The following TNR variants were observed in gnomAD, a reference collection of about 807,000 sequenced individuals.
TNR encodes tenascin R, also known as tenascin-R.
Under a neutral mutation model 150.4 loss-of-function variants are expected in TNR, and 45 were observed. The ratio of observed to expected loss-of-function variants is 0.30; its 90% CI spans 0.24 to 0.38. The LOEUF (loss-of-function observed/expected upper bound fraction) is 0.38. Ranked by LOEUF, TNR falls within the 10% of genes least tolerant of loss-of-function variation. The pLI, the probability that TNR is intolerant of heterozygous loss-of-function variation, is 1.00. For synonymous variants in TNR, 687 were observed against 678.4 expected, an observed-to-expected ratio of 1.01 and a Z score of -0.20; for missense variants, 1,544 against 1,759.1, an observed-to-expected ratio of 0.88 and a Z score of 2.19.
chr1:175,444,684 C>G (rs1367593347), intron 2 of TNR, among the ~76,000 whole-genome samples: 1 of 152,170 alleles, frequency 6.6e-6, no homozygotes, highest in Non-Finnish European at 1.5e-5. Context: ...ATGGGAGAGA[C>G]AGAGGCCTAG....
chr1:175,727,391 T>C (rs1379859693), intron 1 of TNR, among the ~76,000 whole-genome samples: 2 of 152,124 alleles, frequency 1.3e-5, no homozygotes, highest in African/African-American at 4.8e-5. Context: ...ACTGGAGACC[T>C]TGACAAGAGC....
At chr1:175,712,557 C>T (rs1667047222) in intron 1 of TNR, among the ~76,000 whole-genome samples, 1 of 152,152 alleles carries the variant, frequency 6.6e-6, no homozygotes, top group African/African-American at 2.4e-5. Flanking sequence ...GCCCAAATCT[C>T]ATATTGAATT....
chr1:175,330,531 C>T, intron 20 of TNR: 1 of 263,284 alleles, frequency 3.8e-6, no homozygotes, highest in East Asian at 7.0e-5. Context: ...ATTCCTGGCC[C>T]TGTCCCCTCT....
intron 1 of TNR, among the ~76,000 whole-genome samples, chr1:175,725,169 C>T (rs1571793396): frequency 6.6e-6 from 1 of 152,186 alleles, no homozygotes; most frequent in Admixed American, 6.5e-5. Flanking sequence ...CAACAGGCCC[C>T]TTTCCACCAT....
chr1:175,665,961 A>C (rs1471397493), intron 1 of TNR, among the ~76,000 whole-genome samples: 1 of 152,198 alleles, frequency 6.6e-6, no homozygotes, highest in Non-Finnish European at 1.5e-5. Flanking sequence ...CCAAAACTTG[A>C]GTAATGACAA....
In TNR at chr1:175,379,629, C is replaced by T; in HGVS notation, c.1886G>A (p.Ser629Asn). 2 of 1,614,212 alleles carry T rather than the reference C, an allele frequency of 1.2e-6. No individual in the cohort carries two copies. Among genetic ancestry groups the T allele is most frequent in the South Asian group, 1.1e-5 (1 of 91,082 alleles). ...AEVQEYKVVYSTLAGEQYHEV... is the reference protein window; with the variant it reads ...AEVQEYKVVYNTLAGEQYHEV... ...ATGATATTGCTCACCCGCCAGGGTG[C>T]TGTACACAACCTTGTACTCCTGAAC... The change falls in exon 9 of 23, where the codon AGC (serine) becomes AAC (asparagine). Residue 629 changes from serine (S) to asparagine (N), a missense_variant. Ser to Asn is a conservative substitution (Grantham distance 46). Around this residue, in one of 2 missense-constraint regions of TNR, gnomAD observed 1,254 missense variants for 1,329.4 expected, o/e 0.94. Transcript: ENST00000367674.
At chr1:175,352,478 C>T (rs1283664320) in intron 18 of TNR, among the ~76,000 whole-genome samples, 2 of 152,068 alleles carry the variant, frequency 1.3e-5, no homozygotes, top group Admixed American at 6.5e-5. Flanking sequence ...TAAGTGGTAG[C>T]GTGGAAAAGA....
At chr1:175,679,455 A>G (rs1571744486) in intron 1 of TNR, among the ~76,000 whole-genome samples, 1 of 152,244 alleles carries the variant, frequency 6.6e-6, no homozygotes, top group African/African-American at 2.4e-5. Context: ...AATAGAAGAC[A>G]TGATCCCTGT....
chr1:175,488,868 G>T (rs573248266), intron 2 of TNR, among the ~76,000 whole-genome samples: 8 of 152,298 alleles, frequency 5.3e-5, no homozygotes, highest in African/African-American at 1.9e-4. Flanking sequence ...AGGGAGGAAG[G>T]GTGCCTGCAC....
intron 1 of TNR, among the ~76,000 whole-genome samples, chr1:175,694,951 C>A (rs1666469416): frequency 6.6e-6 from 1 of 152,208 alleles, no homozygotes; most frequent in African/African-American, 2.4e-5. Context: ...GCAGCCTTAG[C>A]AAACAAACAC....
intron 14 of TNR, among the ~76,000 whole-genome samples, chr1:175,361,362 G>A (rs897665955): frequency 1.3e-5 from 2 of 152,176 alleles, no homozygotes; most frequent in African/African-American, 4.8e-5. Context: ...AAGAAGGTGG[G>A]ATAGAGGCTT....
chr1:175,392,200 C>T (rs905923990), intron 6 of TNR, among the ~76,000 whole-genome samples: 1 of 152,018 alleles, frequency 6.6e-6, no homozygotes, highest in African/African-American at 2.4e-5. Flanking sequence ...TTATCGTTCC[C>T]TCTCTCTCTT....
In TNR at chr1:175,702,616, G is replaced by GGT. The variant is rs141267009; in HGVS notation, c.-165+40608_-165+40609dup. On this transcript the variant is annotated intron_variant, in intron 1 of 22. Coordinates refer to ENST00000367674, the MANE Select transcript of TNR (RefSeq NM_003285.3). ...AATAGTTCTACCTCTAGGCACAGCA[G>GGT]GTGTGTGTGTGTATACAGAGCAGTT... 8.9e-3 allele frequency among the ~76,000 whole-genome samples: 1,349 copies of GGT among 152,232 alleles called. 28 individuals carry two copies. The highest frequency in any genetic ancestry group is 0.031 in the African/African-American group (1,278 of 41,528).
intron 1 of TNR, among the ~76,000 whole-genome samples, chr1:175,591,385 C>T (rs891418039): frequency 3.9e-5 from 6 of 152,192 alleles, no homozygotes; most frequent in African/African-American, 1.4e-4. Flanking sequence ...GCCCTTGAGA[C>T]CCTGGCACTT....
intron 2 of TNR, among the ~76,000 whole-genome samples, chr1:175,478,734 C>G (rs1230143394): frequency 1.3e-5 from 2 of 152,138 alleles, no homozygotes; most frequent in Admixed American, 6.5e-5. Flanking sequence ...GATCAGGGGA[C>G]CTTGTTTATA....
intron 1 of TNR, among the ~76,000 whole-genome samples, chr1:175,685,798 G>C (rs1666177458): frequency 6.6e-6 from 1 of 151,630 alleles, no homozygotes; most frequent in South Asian, 2.1e-4. Context: ...TATTTCATTG[G>C]GAAATAGCTA....
rs1362077924 is a variant in TNR, at chr1:175,426,801, TAATATATATAAAATATA to T, written c.-63-20041_-63-20025del. On this transcript the variant is annotated intron_variant, in intron 2 of 22. Coordinates refer to ENST00000367674, the MANE Select transcript of TNR (RefSeq NM_003285.3). ...ATATACAGGTGTGTGTGTATATATA[TAATATATATAAAATATA>T]AATATATATAAAATATATTATATAT... Among the ~76,000 whole-genome samples the T allele has an allele frequency of 2.8e-5, 4 of 140,384 alleles. 1 individual carries two copies. Among genetic ancestry groups the T allele is most frequent in the Non-Finnish European group, 4.5e-5 (3 of 66,036 alleles). The allele number at this position is 140,384 out of a possible 152,430, so 92.1% of individuals were successfully genotyped here. A position where few individuals can be genotyped will look rare whatever the true frequency, so the allele number is the denominator to read the frequency against.
At chr1:175,441,635 G>A in intron 2 of TNR, among the ~76,000 whole-genome samples, 1 of 152,166 alleles carries the variant, frequency 6.6e-6, no homozygotes. Context: ...GCACAGCTGT[G>A]TGTGTGTGTG....
intron 1 of TNR, among the ~76,000 whole-genome samples, chr1:175,625,017 A>T (rs533497091): frequency 4.5e-4 from 68 of 152,296 alleles, no homozygotes; most frequent in African/African-American, 1.6e-3. Flanking sequence ...CTAGGGCCTC[A>T]TCCTAAGCTT....
Sources: gnomAD v4.1 joint callset for allele counts (sites outside exome capture counted in the v4.1 genomes callset) on GRCh38, gnomAD v4.1.1 for gene constraint, gnomAD v4.1.1 regional missense constraint, MANE v1.5 for transcripts, NCBI Gene and HGNC (gene_info 2026-07-23, HGNC 2026-07-21) for gene names.